Variants in USH2A observed in about 807,000 individuals in gnomAD.
USH2A encodes usherin.
In USH2A, 443 loss-of-function variants were observed where a neutral mutation model predicts 538.9. The observed-to-expected ratio is 0.82, with a 90% CI of 0.76 to 0.89. USH2A has a LOEUF of 0.89. USH2A is among the 40% of genes least tolerant of loss of function. USH2A has a pLI of 0.00. For synonymous variants in USH2A, 2,413 were observed against 2,273.5 expected (o/e 1.06, Z -1.75); for missense variants, 6,633 against 6,324.8 (o/e 1.05, Z -1.65).
At chr1:215,846,084 G>GA (rs77889398) in intron 44 of USH2A, 51 bp from the exon 45 acceptor site, 2,720 of 1,471,868 alleles carry the variant, frequency 1.8e-3, no homozygotes, top group African/African-American at 3.2e-3. Flanking sequence ...GCTTTCAGGG[G>GA]AAAAAAAAAA....
chr1:216,176,057 G>A (rs998316124), intron 20 of USH2A, among the ~76,000 whole-genome samples: 20 of 152,154 alleles, frequency 1.3e-4, no homozygotes, highest in African/African-American at 4.3e-4. Context: ...AGCATAATCC[G>A]TGCCAACCAA....
At position 215,867,112 on chromosome 1, in the gene USH2A, G is replaced by A. The variant is rs766590491; in HGVS notation, c.8740C>T (p.Arg2914Ter). The A allele has an allele frequency of 9.3e-6, 15 of 1,614,020 alleles. No individual in the cohort carries two copies. Among genetic ancestry groups the A allele is most frequent in the Admixed American group, 1.7e-5 (1 of 60,008 alleles). ...GCTAACGTTGTCACAGTCACTTCTC[G>A]GCTCGGTGTAAAACCCACACTGTTG... ...VHNSVGFTPSREVTVTTLAGL... is the reference protein window; with the variant it reads ...VHNSVGFTPS The change falls in exon 44 of 72, where the codon CGA (arginine) becomes TGA (stop). Residue 2914 changes from arginine to a stop codon, truncating the protein, a stop_gained. Coordinates refer to ENST00000307340, the MANE Select transcript of USH2A (RefSeq NM_206933.4). LOFTEE classifies it high-confidence loss of function.
intron 13 of USH2A, among the ~76,000 whole-genome samples, chr1:216,239,824 A>G (rs2035899406): frequency 1.3e-5 from 2 of 152,106 alleles, no homozygotes; most frequent in Non-Finnish European, 2.9e-5. Flanking sequence ...GATATACTTG[A>G]AGGTAAAATC....
chr1:215,774,224 C>T (rs1661390719), intron 55 of USH2A, among the ~76,000 whole-genome samples: 1 of 152,100 alleles, frequency 6.6e-6, no homozygotes, highest in Non-Finnish European at 1.5e-5. Context: ...TGACTACTTG[C>T]TATAAGCTAA....
Position 215,623,725 on chromosome 1 carries a change from G to A in USH2A, c.*2056C>T, listed in dbSNP as rs1258657392. The A allele has an allele frequency of 2.6e-5, 4 of 152,110 alleles. No homozygotes were observed. The highest frequency in any genetic ancestry group is 9.7e-5 in the African/African-American group (4 of 41,432). 9.4% of individuals were successfully genotyped at this position (152,110 alleles called of 1,614,324 possible). ...GATGATTAAATGGATAATGATCCAA[G>A]ATAAAATCCCCTGCAGTTCTGTATT... On this transcript the variant is annotated 3_prime_UTR_variant, in exon 72 of 72. Transcript: ENST00000307340.
In USH2A at chr1:216,084,768, T is replaced by A; in HGVS notation, c.5097A>T (p.Gln1699His). Reference sequence around the variant, plus strand: ...CCTCCCAGCTGTTATACACGTTGATTTGTTCTTCAGAACTCTGCCAATCCA... The same window carrying A: ...CCTCCCAGCTGTTATACACGTTGATATGTTCTTCAGAACTCTGCCAATCCA... The part of the protein sequence containing the change: ...EPLDWQSSEE[Q>H]INVYNSWEGC... The change falls in exon 25 of 72, where the codon CAA becomes CAT. Residue 1699 changes from glutamine to histidine, a missense_variant. Transcript: ENST00000307340. 2 of 1,613,586 alleles carry A rather than the reference T, an allele frequency of 1.2e-6. No individual in the cohort carries two copies. Among genetic ancestry groups the A allele is most frequent in the Non-Finnish European group, 1.7e-6 (2 of 1,179,708 alleles).
At chr1:216,215,590 AT>A (rs2035327925) in intron 15 of USH2A, among the ~76,000 whole-genome samples, 1 of 152,162 alleles carries the variant, frequency 6.6e-6, no homozygotes, top group South Asian at 2.1e-4. Context: ...AAGTTGTCTC[AT>A]TTGTTTCTAA....
intron 47 of USH2A, among the ~76,000 whole-genome samples, chr1:215,830,988 C>T (rs1329917347): frequency 3.3e-5 from 5 of 151,984 alleles, no homozygotes; most frequent in Admixed American, 6.6e-5. Context: ...ATTTTTATAA[C>T]GTAATATTCA....
chr1:215,777,181 A>G (rs1203055342), intron 55 of USH2A, among the ~76,000 whole-genome samples: 2 of 152,226 alleles, frequency 1.3e-5, no homozygotes, highest in Non-Finnish European at 2.9e-5. Flanking sequence ...TTATGCTAAT[A>G]ATAGGATTTC....
rs577441355 is a variant in USH2A, at chr1:215,759,308, AAG to A, written c.11231+350_11231+351del. Among the ~76,000 whole-genome samples the A allele has an allele frequency of 9.5e-4, 144 of 152,264 alleles. 1 individual carries two copies. The highest frequency in any genetic ancestry group is 8.1e-3 in the South Asian group (39 of 4,826). ...GTAGAGAAACACTGTACAAGAAGAA[AAG>A]AGAGTTGACGGAAAACAAAACTCTT... On this transcript the variant is annotated intron_variant, in intron 57 of 71. Transcript: ENST00000307340.
intron 69 of USH2A, among the ~76,000 whole-genome samples, chr1:215,635,535 A>T (rs529556703): frequency 2.1e-5 from 3 of 141,054 alleles, no homozygotes; most frequent in South Asian, 2.1e-4. Flanking sequence ...GATTATTTTT[A>T]TTTATTTATT....
chr1:215,768,273 C>T (rs1266983232), intron 55 of USH2A, among the ~76,000 whole-genome samples: 1 of 152,164 alleles, frequency 6.6e-6, no homozygotes, highest in Non-Finnish European at 1.5e-5. Context: ...TAGATGTATG[C>T]TCTGAAAGAA....
At chr1:216,214,426 AC>A (rs2035304468) in intron 15 of USH2A, among the ~76,000 whole-genome samples, 1 of 151,968 alleles carries the variant, frequency 6.6e-6, no homozygotes, top group African/African-American at 2.4e-5. Flanking sequence ...GAAGCTAGAT[AC>A]AAAAGCCTAT....
chr1:216,324,010 C>T (rs1158030216), intron 7 of USH2A, among the ~76,000 whole-genome samples, 158 bp downstream of exon 7: 2 of 152,088 alleles, frequency 1.3e-5, no homozygotes, highest in Admixed American at 1.3e-4. Flanking sequence ...GAACTTTAAA[C>T]ATAGTTTTAA....
intron 4 of USH2A, among the ~76,000 whole-genome samples, chr1:216,345,441 T>C (rs2038156538): frequency 6.6e-6 from 1 of 152,080 alleles, no homozygotes; most frequent in African/African-American, 2.4e-5. Flanking sequence ...GCTGGGTCAC[T>C]AGGACTGCTC....
chr1:216,078,288 C>G lies in USH2A; in HGVS notation c.5373G>C (p.Leu1791=), dbSNP rs876657628. 1.2e-6 allele frequency: 2 copies of G among 1,613,640 alleles called. No individual in the cohort carries two copies. The highest frequency in any genetic ancestry group is 1.7e-6 in the Non-Finnish European group (2 of 1,179,638). The part of the protein sequence containing the change: ...SLAFTQVDLL[L]GLSYCNGKWN... The stretch of plus-strand genomic sequence containing the variant: ...ACTTTCCATTACAATAGGATAGCCC[C>G]AGCAATAGATCCACTTGTGTAAAGG... The change falls in exon 27 of 72, where the codon CTG becomes CTC. Residue 1791 remains leucine (L), a synonymous_variant. Coordinates refer to ENST00000307340, the MANE Select transcript of USH2A (RefSeq NM_206933.4).
chr1:215,918,800 T>C (rs1328926025), intron 38 of USH2A, among the ~76,000 whole-genome samples: 8 of 152,126 alleles, frequency 5.3e-5, no homozygotes, highest in Non-Finnish European at 1.5e-5. Context: ...CAATGATCAA[T>C]AATTATATGA....
intron 38 of USH2A, among the ~76,000 whole-genome samples, chr1:215,910,662 C>A (rs1665758596): frequency 6.6e-6 from 1 of 151,932 alleles, no homozygotes; most frequent in Admixed American, 6.6e-5. Context: ...ACCATAACTA[C>A]AATCATGCTT....
intron 64 of USH2A, among the ~76,000 whole-genome samples, chr1:215,667,254 T>A (rs1157613258): frequency 2.0e-5 from 3 of 152,180 alleles, no homozygotes; most frequent in Non-Finnish European, 4.4e-5. Flanking sequence ...AAGGTGCTTG[T>A]GATATCACAT....
Sources: allele counts gnomAD v4.1 joint callset (sites outside exome capture counted in the v4.1 genomes callset), GRCh38; gene constraint gnomAD v4.1.1; transcripts MANE v1.5; gene names NCBI Gene and HGNC (gene_info 2026-07-23, HGNC 2026-07-21).